Variants in NAXD observed in about 807,000 individuals in gnomAD.
NAXD encodes NAD(P)HX dehydratase.
Under a neutral mutation model 35.8 loss-of-function variants are expected in NAXD, and 22 were observed. The observed-to-expected ratio is 0.62, with a 90% CI of 0.44 to 0.88. NAXD has a LOEUF of 0.88. NAXD is among the 40% of genes least tolerant of loss of function. NAXD has a pLI of 0.00. For synonymous variants in NAXD, 189 were observed against 177.6 expected, an observed-to-expected ratio of 1.06 and a Z score of -0.51; for missense variants, 428 against 437.7, an observed-to-expected ratio of 0.98 and a Z score of 0.20.
chr13:110,615,558 C>T lies in NAXD; in HGVS notation c.-44C>T. The T allele has an allele frequency of 1.5e-6, 2 of 1,337,694 alleles. No homozygotes were observed. Among genetic ancestry groups the T allele is most frequent in the Non-Finnish European group, 1.9e-6 (2 of 1,044,082 alleles). The allele number at this position is 1,337,694 out of a possible 1,614,324, so 82.9% of individuals were successfully genotyped here. ...GAAAACGCTTCCAATGGCTGTGTTT[C>T]CGGCGACGGCGCGGGGGCAGCTGGG... On this transcript the variant is annotated 5_prime_UTR_variant, in exon 1 of 10. Coordinates refer to ENST00000680254, the MANE Select transcript of NAXD (RefSeq NM_001242882.2).
rs1806333868 is a variant in NAXD at position 110,628,621 on chromosome 13, A to G, written c.441+1074A>G. 6.6e-6 allele frequency among the ~76,000 whole-genome samples: 1 copy of G among 152,182 alleles called. No homozygotes were observed. Among genetic ancestry groups the G allele is most frequent in the South Asian group, 2.1e-4 (1 of 4,830 alleles). On this transcript the variant is annotated intron_variant, in intron 5 of 9. Coordinates refer to ENST00000680254, the MANE Select transcript of NAXD (RefSeq NM_001242882.2). The surrounding 1 kb of genome is among the most constrained non-coding windows in gnomAD (Gnocchi z 4.1). Reference sequence around the variant, plus strand: ...AGGCAGACGCAGGCTGACACTGCACAGACCAGGAAAAGCGGCGTGGAGTCA... The same window carrying G: ...AGGCAGACGCAGGCTGACACTGCACGGACCAGGAAAAGCGGCGTGGAGTCA...
chr13:110,615,755 C>T, intron 1 of NAXD, 108 bp downstream of exon 1: 4 of 1,441,404 alleles, frequency 2.8e-6, no homozygotes, highest in Admixed American at 2.5e-5. Flanking sequence ...TCGCGCTGTA[C>T]GGGCCGCCAC....
At chr13:110,627,636 A>C in intron 5 of NAXD, 89 bp downstream of exon 5, 1 of 886,914 alleles carries the variant, frequency 1.1e-6, no homozygotes, top group Non-Finnish European at 1.9e-6. Flanking sequence ...CATTTTGTGT[A>C]GTGTTCCGTG....
At chr13:110,626,724 T>C (rs551553262) in intron 4 of NAXD, among the ~76,000 whole-genome samples, 78 of 152,230 alleles carry the variant, frequency 5.1e-4, no homozygotes, top group African/African-American at 1.8e-3. Flanking sequence ...CTGAGAACAG[T>C]TGGTGCATCT....
Position 110,637,166 on chromosome 13 carries a change from T to C in NAXD, c.756T>C (p.Cys252=), listed in dbSNP as rs1161025640. The C allele has an allele frequency of 5.0e-6, 8 of 1,613,812 alleles. No homozygotes were observed. Among genetic ancestry groups the C allele is most frequent in the Non-Finnish European group, 6.8e-6 (8 of 1,179,964 alleles). The part of the protein sequence containing the change: ...VCSQEGSSRR[C]GGQGDLLSGS... ...GCCAGGAAGGCAGCAGCCGCAGGTG[T>C]GGAGGGCAAGGGGACCTCCTGTCGG... The change falls in exon 9 of 10, where the codon TGT becomes TGC. Residue 252 remains cysteine (C), a synonymous_variant. Transcript: ENST00000680254.
Position 110,615,897 on chromosome 13 carries a change from C to T in NAXD, c.46+250C>T, listed in dbSNP as rs1221573347. ...CGGAGTAGGGAGAGGACGGAGGCCTCCTGGAACGGCGCGGCGACGGCTGGG... is the reference window on the plus strand; with the variant it reads ...CGGAGTAGGGAGAGGACGGAGGCCTTCTGGAACGGCGCGGCGACGGCTGGG... On this transcript the variant is annotated intron_variant, in intron 1 of 9. Transcript: ENST00000680254. 1.0e-5 allele frequency: 8 copies of T among 796,924 alleles called. No homozygotes were observed. The East Asian group carries it at 1.7e-4, about 17-fold the overall frequency. 49.4% of individuals were successfully genotyped at this position (796,924 alleles called of 1,614,324 possible). A position where few individuals can be genotyped will look rare whatever the true frequency, so the allele number is the denominator to read the frequency against.
rs150094180 is a variant in NAXD at position 110,635,618 on chromosome 13, C to T, written c.718+30C>T. On this transcript the variant is annotated intron_variant, in intron 8 of 9. Coordinates refer to ENST00000680254, the MANE Select transcript of NAXD (RefSeq NM_001242882.2). Reference sequence around the variant, plus strand: ...GTGGCGGCTGCCCTCTGTGCATGGGCCAGTGCCAGGTCAGTCAGCATGGCC... The same window carrying T: ...GTGGCGGCTGCCCTCTGTGCATGGGTCAGTGCCAGGTCAGTCAGCATGGCC... 3.7e-3 allele frequency: 5,982 copies of T among 1,610,372 alleles called. 19 individuals carry two copies. Among genetic ancestry groups the T allele is most frequent in the Non-Finnish European group, 4.5e-3 (5,293 of 1,177,988 alleles).
At chr13:110,625,856 G>A (rs1387603603) in intron 4 of NAXD, among the ~76,000 whole-genome samples, 3 of 152,258 alleles carry the variant, frequency 2.0e-5, no homozygotes, top group Non-Finnish European at 4.4e-5. Context: ...TGCACCGACT[G>A]GATTGGGCTG....
In NAXD at chr13:110,639,542, A is replaced by G. The variant is rs1197200268; in HGVS notation, c.*1014A>G. The G allele has an allele frequency of 3.3e-5, 5 of 152,290 alleles. No individual in the cohort carries two copies. The East Asian group carries it at 5.8e-4, about 18-fold the overall frequency. 9.4% of individuals were successfully genotyped at this position (152,290 alleles called of 1,614,324 possible). A position where few individuals can be genotyped will look rare whatever the true frequency, so the allele number is the denominator to read the frequency against. On this transcript the variant is annotated 3_prime_UTR_variant, in exon 10 of 10. Coordinates refer to ENST00000680254, the MANE Select transcript of NAXD (RefSeq NM_001242882.2). ...GGTTTCAGCCAACACTCTTCATGGCAGTGTCGACCTCGGGTTAGCTTCTGT... is the reference window on the plus strand; with the variant it reads ...GGTTTCAGCCAACACTCTTCATGGCGGTGTCGACCTCGGGTTAGCTTCTGT...
At chr13:110,637,097 C>A in intron 8 of NAXD, 32 bp from the exon 9 acceptor site, 1 of 1,583,930 alleles carries the variant, frequency 6.3e-7, no homozygotes, top group Non-Finnish European at 8.6e-7. Context: ...CATGGCCATG[C>A]TGACACCTGC....
chr13:110,630,216 A>G (rs938154586), intron 5 of NAXD, among the ~76,000 whole-genome samples: 2 of 151,894 alleles, frequency 1.3e-5, no homozygotes, highest in African/African-American at 2.4e-5. Flanking sequence ...TTTAGTAGAG[A>G]TGGGGTTTCA....
rs1277530244 is a variant in NAXD at position 110,627,553 on chromosome 13, G to A, written c.441+6G>A. The A allele has an allele frequency of 2.5e-6, 4 of 1,588,746 alleles. No individual in the cohort carries two copies. In the African/African-American group the frequency reaches 5.4e-5, roughly 21 times the overall value. ...CGCTTCTCAGAAATGTCCAGGTAAT[G>A]TGTATACTCACTCACTTCCCTCATG... On this transcript the variant is annotated splice_donor_region_variant and intron_variant, in intron 5 of 9. Transcript: ENST00000680254.
In NAXD at chr13:110,615,644, C is replaced by A. The variant is rs760518159; in HGVS notation, c.43C>A (p.Arg15=). The change falls in exon 1 of 10, where the codon CGA becomes AGA. Residue 15 remains arginine, a synonymous_variant. Transcript: ENST00000680254. ...PRCGAIRACR[R]VLERAFSLRK... ...CTGTGGGGCAATCCGGGCTTGCAGA[C>A]GAGGTAAGGTCGATTCCATTTGGCC... 3 of 1,496,092 alleles carry A rather than the reference C, an allele frequency of 2.0e-6. No individual in the cohort carries two copies. Among genetic ancestry groups the A allele is most frequent in the Non-Finnish European group, 1.8e-6 (2 of 1,128,010 alleles). 92.7% of individuals were successfully genotyped at this position (1,496,092 alleles called of 1,614,324 possible).
rs747346794 is a variant in NAXD at position 110,638,622 on chromosome 13, C to T, written c.*94C>T. ...GACCCACGCGTGTGCTGAAGGCGTA[C>T]GGTGCTTGCCAGATTTTCAACTTGA... On this transcript the variant is annotated 3_prime_UTR_variant, in exon 10 of 10. Coordinates refer to ENST00000680254, the MANE Select transcript of NAXD (RefSeq NM_001242882.2). This position sits in a 1 kb window ranked among gnomAD's most constrained non-coding sequence, Gnocchi z 5.4. 47 of 1,370,454 alleles carry T rather than the reference C, an allele frequency of 3.4e-5. No individual in the cohort carries two copies. Among genetic ancestry groups the T allele is most frequent in the African/African-American group, 1.0e-4 (7 of 69,968 alleles). The allele number at this position is 1,370,454 out of a possible 1,614,324, so 84.9% of individuals were successfully genotyped here.
chr13:110,630,454 CAGAG>C lies in NAXD; in HGVS notation c.441+2911_441+2914del. Among the ~76,000 whole-genome samples, 6 of 152,258 alleles carry C rather than the reference CAGAG, an allele frequency of 3.9e-5. 1 individual carries two copies. The highest frequency in any genetic ancestry group is 3.9e-4 in the Admixed American group (6 of 15,290). On this transcript the variant is annotated intron_variant, in intron 5 of 9. Coordinates refer to ENST00000680254, the MANE Select transcript of NAXD (RefSeq NM_001242882.2). ...TACGTTCTAGACACAGGTTCCTTAT[CAGAG>C]AGACGATTTGCCGATATCCTCTCAT...
chr13:110,626,715 T>C (rs533365071), intron 4 of NAXD, among the ~76,000 whole-genome samples: 11 of 152,242 alleles, frequency 7.2e-5, no homozygotes, highest in Admixed American at 3.3e-4. Context: ...AGATGAGGCC[T>C]GAGAACAGTT....
rs76068264 is a variant in NAXD, at chr13:110,627,623, T to C, written c.441+76T>C. 4,895 of 1,002,536 alleles carry C rather than the reference T, an allele frequency of 4.9e-3. 13 individuals carry two copies. The highest frequency in any genetic ancestry group is 6.4e-3 in the Non-Finnish European group (4,076 of 634,700). 62.1% of individuals were successfully genotyped at this position (1,002,536 alleles called of 1,614,324 possible). A position where few individuals can be genotyped will look rare whatever the true frequency, so the allele number is the denominator to read the frequency against. ...TGAAGTTGGAACAGAGGCATTTCTCTTGCATTTTGTGTAGTGTTCCGTGTG... is the reference window on the plus strand; with the variant it reads ...TGAAGTTGGAACAGAGGCATTTCTCCTGCATTTTGTGTAGTGTTCCGTGTG... On this transcript the variant is annotated intron_variant, in intron 5 of 9. Transcript: ENST00000680254.
At chr13:110,634,489 CAT>C in intron 5 of NAXD, 54 bp from the exon 6 acceptor site, 4 of 1,563,120 alleles carry the variant, frequency 2.6e-6, no homozygotes, top group Non-Finnish European at 3.5e-6. Context: ...TGAGAAGACA[CAT>C]ACCCACACCA....
intron 1 of NAXD, chr13:110,616,474 C>G (rs1222728121): frequency 6.6e-6 from 1 of 152,410 alleles, no homozygotes; most frequent in East Asian, 1.9e-4. Context: ...TGAGTCATCC[C>G]CAGAACCTGA....
Sources: allele counts gnomAD v4.1 joint callset (sites outside exome capture counted in the v4.1 genomes callset), GRCh38; gene constraint gnomAD v4.1.1; non-coding constraint Gnocchi (gnomAD v3.1); transcripts MANE v1.5; gene names NCBI Gene and HGNC (gene_info 2026-07-23, HGNC 2026-07-21).